Variants in ERICH1 observed in about 807,000 individuals in gnomAD.
The protein encoded by ERICH1 is glutamate rich 1, also known as glutamate-rich protein 1.
ERICH1 carries 56 observed loss-of-function variants against 39.6 expected under a neutral mutation model. That is an observed-to-expected ratio of 1.41 (90% CI 1.14 to 1.77). The LOEUF is 1.77. Ranked by LOEUF, ERICH1 falls within the 40% of genes most tolerant of loss-of-function variation. The pLI, the probability that ERICH1 is intolerant of heterozygous loss-of-function variation, is 0.00. For synonymous variants in ERICH1, 313 were observed against 223.6 expected, an observed-to-expected ratio of 1.40 and a Z score of -3.57; for missense variants, 826 against 575.4, an observed-to-expected ratio of 1.44 and a Z score of -4.45.
At chr8:699,738 C>A (rs1434325988) in intron 2 of ERICH1, among the ~76,000 whole-genome samples, 1 of 143,932 alleles carries the variant, frequency 6.9e-6, no homozygotes, top group East Asian at 2.8e-4. Flanking sequence ...CACAGGCGCA[C>A]AGACACGCAC....
At chr8:717,355 C>A (rs1383477362) in intron 1 of ERICH1, among the ~76,000 whole-genome samples, 1 of 152,188 alleles carries the variant, frequency 6.6e-6, no homozygotes, top group Non-Finnish European at 1.5e-5. Flanking sequence ...GGTCCCACCC[C>A]TACAGAAAGG....
intron 3 of ERICH1, among the ~76,000 whole-genome samples, chr8:658,177 C>G (rs1326122610): frequency 6.6e-6 from 1 of 152,204 alleles, no homozygotes; most frequent in African/African-American, 2.4e-5. Context: ...GACTGTGGTT[C>G]CTGGACTTCC....
chr8:712,696 C>T (rs1815029916), intron 2 of ERICH1, among the ~76,000 whole-genome samples: 1 of 152,212 alleles, frequency 6.6e-6, no homozygotes, highest in African/African-American at 2.4e-5. Context: ...CTTGGCCTCC[C>T]AAAGTGCTGG....
intron 3 of ERICH1, among the ~76,000 whole-genome samples, chr8:653,700 G>T (rs10107345): frequency 0.88 from 134,403 of 152,202 alleles, 59,425 homozygotes; most frequent in South Asian, 0.95. Context: ...AAAAAAGAAG[G>T]GAGTCTGGAC....
chr8:719,234 G>A (rs746934400), intron 1 of ERICH1, among the ~76,000 whole-genome samples: 26 of 152,280 alleles, frequency 1.7e-4, no homozygotes, highest in Admixed American at 7.8e-4. Context: ...TGTTTGAGCC[G>A]TCATCCAACA....
intron 2 of ERICH1, among the ~76,000 whole-genome samples, chr8:699,372 G>C (rs1013941925): frequency 6.6e-6 from 1 of 152,144 alleles, no homozygotes; most frequent in Non-Finnish European, 1.5e-5. Flanking sequence ...TTCTCTCCTG[G>C]TACCACGACA....
chr8:665,052 G>A (rs1801976625), intron 5 of ERICH1, among the ~76,000 whole-genome samples: 1 of 152,180 alleles, frequency 6.6e-6, no homozygotes, highest in African/African-American at 2.4e-5. Context: ...TATCTCAAGG[G>A]TGAGCAAGTA....
chr8:637,196 G>T (rs1394524638), intron 3 of ERICH1, among the ~76,000 whole-genome samples: 1 of 152,212 alleles, frequency 6.6e-6, no homozygotes. Flanking sequence ...AAACAGGCTG[G>T]ATCTGGCCAC....
intron 3 of ERICH1, among the ~76,000 whole-genome samples, chr8:643,485 G>A (rs1314708557): frequency 1.3e-5 from 2 of 152,062 alleles, no homozygotes; most frequent in Non-Finnish European, 2.9e-5. Context: ...ACGGTGATGG[G>A]GGGCACTGAT....
intron 3 of ERICH1, chr8:627,135 G>A (rs1797632851): frequency 2.2e-6 from 1 of 456,166 alleles, no homozygotes; most frequent in African/African-American, 2.0e-5. Context: ...TGGATATTGG[G>A]AAGACAGACA....
intron 2 of ERICH1, among the ~76,000 whole-genome samples, chr8:695,705 G>A (rs13248441): frequency 7.5e-4 from 40 of 53,254 alleles, no homozygotes; most frequent in African/African-American, 3.5e-3. Flanking sequence ...TGCTCCTCTC[G>A]CCCTCCACTC....
chr8:697,972 C>T (rs1075451), intron 2 of ERICH1, among the ~76,000 whole-genome samples: 109,090 of 151,910 alleles, frequency 0.72, 40,220 homozygotes, highest in Non-Finnish European at 0.8. Context: ...ATCCCTGCGT[C>T]TGGGGCTGGG....
intron 1 of ERICH1, among the ~76,000 whole-genome samples, chr8:730,935 G>A (rs1444912460): frequency 6.6e-6 from 1 of 152,090 alleles, no homozygotes; most frequent in Admixed American, 6.5e-5. Context: ...CAGCAGCCAT[G>A]CAAGCAACAA....
At chr8:619,486 G>A (rs1298414214) in intron 3 of ERICH1, among the ~76,000 whole-genome samples, 5 of 152,130 alleles carry the variant, frequency 3.3e-5, no homozygotes, top group Non-Finnish European at 7.3e-5. Flanking sequence ...GCAGCACAAA[G>A]AAGCCAGGTG....
chr8:635,030 C>T (rs557895149), intron 3 of ERICH1, among the ~76,000 whole-genome samples: 2 of 152,066 alleles, frequency 1.3e-5, no homozygotes, highest in Admixed American at 6.5e-5. Context: ...GGCTTCAGAC[C>T]GCACCTGGGG....
In ERICH1 at chr8:668,649, T is replaced by C. The variant is rs764305855; in HGVS notation, c.1207A>G (p.Arg403Gly). Residue 403 changes from arginine to glycine, a missense_variant, in exon 5 of 6, where the codon AGA becomes GGA. Arg to Gly is a moderately radical substitution (Grantham distance 125). Coordinates refer to ENST00000262109, the MANE Select transcript of ERICH1 (RefSeq NM_207332.3). ...KTLLLLQDTE[R>G]LKHALEMFPE... ...AACATTTCCAGAGCATGCTTCAATC[T>C]CTCAGTATCTTGCAGGAGCAGCAGC... 13 of 1,614,180 alleles carry C rather than the reference T, an allele frequency of 8.1e-6. No homozygotes were observed. Among genetic ancestry groups the C allele is most frequent in the Non-Finnish European group, 1.1e-5 (13 of 1,180,040 alleles).
chr8:694,535 AC>A (rs1394697416), intron 2 of ERICH1, among the ~76,000 whole-genome samples: 1 of 152,118 alleles, frequency 6.6e-6, no homozygotes, highest in Non-Finnish European at 1.5e-5. Flanking sequence ...TCCAAAACGC[AC>A]CGCGCCAGGG....
At chr8:626,208 T>G (rs1023488274) in intron 3 of ERICH1, 1 of 152,086 alleles carries the variant, frequency 6.6e-6, no homozygotes. Context: ...GTCTGTAGAG[T>G]CTGACATACA....
At chr8:642,826 T>A (rs571558885) in intron 3 of ERICH1, among the ~76,000 whole-genome samples, 2 of 152,236 alleles carry the variant, frequency 1.3e-5, no homozygotes, top group South Asian at 4.1e-4. Context: ...TCTACAGGAC[T>A]GGGGGCTGGA....
Sources: allele counts gnomAD v4.1 joint callset (sites outside exome capture counted in the v4.1 genomes callset), GRCh38; gene constraint gnomAD v4.1.1; transcripts MANE v1.5; gene names NCBI Gene and HGNC (gene_info 2026-07-23, HGNC 2026-07-21).